PEAK1: variants seen among roughly 807,000 people sequenced by gnomAD.
PEAK1 encodes inactive tyrosine-protein kinase PEAK1.
In PEAK1, 54 loss-of-function variants were observed where a neutral mutation model predicts 124.7. The ratio of observed to expected loss-of-function variants is 0.43; its 90% CI spans 0.35 to 0.54. The LOEUF is 0.54. Among genes scored for constraint, PEAK1 ranks in the 20% least tolerant of loss-of-function variants. PEAK1 has a pLI of 0.01. For synonymous variants in PEAK1, 719 were observed against 760.0 expected, an observed-to-expected ratio of 0.95 and a Z score of 0.89; for missense variants, 2,046 against 2,134.5, an observed-to-expected ratio of 0.96 and a Z score of 0.82.
chr15:77,247,486 T>A (rs1382336890), intron 6 of PEAK1, among the ~76,000 whole-genome samples: 20 of 4,202 alleles, frequency 4.8e-3, no homozygotes, highest in African/African-American at 7.6e-3. Context: ...TTTTCTTTTC[T>A]TTTTTTTTTT....
downstream of PEAK1, chr15:77,104,546 A>G (rs1002827518): frequency 3.3e-5 from 5 of 152,370 alleles, no homozygotes; most frequent in Non-Finnish European, 7.3e-5. Flanking sequence ...ATTTCAATGC[A>G]TGTCTCCCAG....
Position 77,283,968 on chromosome 15 carries a change from T to C in PEAK1, c.-360A>G, listed in dbSNP as rs1223899159. ...TGTTTCTCCTTCTTGGATTTTTTCA[T>C]AAATCATTGAATTCTCACTTTCTCA... On this transcript the variant is annotated 5_prime_UTR_variant, in exon 5 of 10. The change abolishes an upstream ATG in the 5' untranslated region. Coordinates refer to ENST00000682557, the MANE Select transcript of PEAK1 (RefSeq NM_001385026.1). 1 of 983,502 alleles carries C rather than the reference T, an allele frequency of 1.0e-6. No individual in the cohort carries two copies. Among genetic ancestry groups the C allele is most frequent in the Non-Finnish European group, 1.2e-6 (1 of 828,160 alleles). 60.9% of individuals were successfully genotyped at this position (983,502 alleles called of 1,614,324 possible).
chr15:77,226,582 C>T (rs908846147), intron 6 of PEAK1, among the ~76,000 whole-genome samples: 1 of 151,912 alleles, frequency 6.6e-6, no homozygotes, highest in African/African-American at 2.4e-5. Context: ...TCTGAATAGT[C>T]CAAATAAAAA....
At chr15:77,364,538 G>A (rs1349808165) in intron 2 of PEAK1, among the ~76,000 whole-genome samples, 1 of 152,194 alleles carries the variant, frequency 6.6e-6, no homozygotes, top group Non-Finnish European at 1.5e-5. Flanking sequence ...GACTCAAGGT[G>A]GAGAGACTTA....
chr15:77,147,677 T>C (rs2152763800), intron 8 of PEAK1, among the ~76,000 whole-genome samples: 1 of 152,194 alleles, frequency 6.6e-6, no homozygotes, highest in South Asian at 2.1e-4. Context: ...GTTAAGGTGT[T>C]ACAGATCAGA....
At chr15:77,241,847 A>G (rs1164690093) in intron 6 of PEAK1, among the ~76,000 whole-genome samples, 1 of 152,132 alleles carries the variant, frequency 6.6e-6, no homozygotes, top group Non-Finnish European at 1.5e-5. Flanking sequence ...ATAAATGGAG[A>G]GATAGACTAT....
At chr15:77,148,788 G>A in intron 8 of PEAK1, among the ~76,000 whole-genome samples, 1 of 151,900 alleles carries the variant, frequency 6.6e-6, no homozygotes, top group East Asian at 1.9e-4. Flanking sequence ...CTGATCATGT[G>A]GTGCACGCCT....
At chr15:77,386,072 C>T (rs2069908021) in intron 1 of PEAK1, among the ~76,000 whole-genome samples, 1 of 152,160 alleles carries the variant, frequency 6.6e-6, no homozygotes, top group Non-Finnish European at 1.5e-5. Flanking sequence ...GAGGCACTGA[C>T]TCCTGGAATG....
At chr15:77,384,033 C>T (rs1001024059) in intron 1 of PEAK1, among the ~76,000 whole-genome samples, 1 of 151,990 alleles carries the variant, frequency 6.6e-6, no homozygotes, top group African/African-American at 2.4e-5. Flanking sequence ...ACAATTATAC[C>T]TCAATAATAA....
chr15:77,113,216 T>G lies in PEAK1; in HGVS notation c.*940A>C, dbSNP rs2051087748. 6.6e-6 allele frequency: 1 copy of G among 152,284 alleles called. No homozygotes were observed. The highest frequency in any genetic ancestry group is 2.4e-5 in the African/African-American group (1 of 41,476). The allele number at this position is 152,284 out of a possible 1,614,324, so 9.4% of individuals were successfully genotyped here. A position where few individuals can be genotyped will look rare whatever the true frequency, so the allele number is the denominator to read the frequency against. ...TGATAGAAGGGAGCTGGCCAATTAC[T>G]GCTCGGGGAAAACTGCAAATGCTGA... On this transcript the variant is annotated 3_prime_UTR_variant, in exon 10 of 10. Transcript: ENST00000682557.
At chr15:77,368,670 T>A (rs2068433565) in intron 1 of PEAK1, among the ~76,000 whole-genome samples, 1 of 152,172 alleles carries the variant, frequency 6.6e-6, no homozygotes, top group Non-Finnish European at 1.5e-5. Context: ...AAGTGTTTGA[T>A]TAATCAAATA....
intron 6 of PEAK1, among the ~76,000 whole-genome samples, chr15:77,190,092 CTTTA>C (rs1398216670): frequency 3.3e-5 from 5 of 152,038 alleles, no homozygotes; most frequent in Non-Finnish European, 7.4e-5. Flanking sequence ...TTTTTGGAGG[CTTTA>C]TTGTCTTGTG....
At chr15:77,155,847 A>C (rs1404626530) in intron 8 of PEAK1, 1 of 153,362 alleles carries the variant, frequency 6.5e-6, no homozygotes, top group Non-Finnish European at 1.4e-5. Context: ...CTGCTGCCTG[A>C]TCGTTCCTCT....
intron 8 of PEAK1, among the ~76,000 whole-genome samples, chr15:77,135,339 T>C (rs2053224033): frequency 6.6e-6 from 1 of 152,186 alleles, no homozygotes; most frequent in African/African-American, 2.4e-5. Flanking sequence ...ACCAATATAA[T>C]CTGGGATTGT....
chr15:77,301,662 G>A (rs949045211), intron 2 of PEAK1, among the ~76,000 whole-genome samples: 2 of 152,140 alleles, frequency 1.3e-5, no homozygotes, highest in Non-Finnish European at 1.5e-5. Flanking sequence ...CTCTGTTGAT[G>A]CTGACCCTGA....
At chr15:77,219,651 C>G (rs2059299172) in intron 6 of PEAK1, among the ~76,000 whole-genome samples, 1 of 152,058 alleles carries the variant, frequency 6.6e-6, no homozygotes. Context: ...GCAGTCCCAT[C>G]AGTACTCATA....
intron 2 of PEAK1, among the ~76,000 whole-genome samples, chr15:77,364,450 G>C (rs2068091830): frequency 6.6e-6 from 1 of 152,170 alleles, no homozygotes; most frequent in Non-Finnish European, 1.5e-5. Context: ...ACTCAGAGTA[G>C]TAGACGGACA....
chr15:77,121,025 C>T (rs1566992212), intron 9 of PEAK1, among the ~76,000 whole-genome samples: 1 of 152,088 alleles, frequency 6.6e-6, no homozygotes, highest in Non-Finnish European at 1.5e-5. Context: ...GTACATATCT[C>T]TATTATTGCA....
intron 6 of PEAK1, among the ~76,000 whole-genome samples, chr15:77,191,602 A>G (rs1050244977): frequency 6.6e-6 from 1 of 152,210 alleles, no homozygotes; most frequent in Non-Finnish European, 1.5e-5. Context: ...TTGCAAGGAA[A>G]CTTTAGCATT....
Sources: gnomAD v4.1 joint callset for allele counts (sites outside exome capture counted in the v4.1 genomes callset) on GRCh38, gnomAD v4.1.1 for gene constraint, MANE v1.5 for transcripts, NCBI Gene and HGNC (gene_info 2026-07-23, HGNC 2026-07-21) for gene names.